The following ANKRD28 variants were observed in gnomAD, a reference collection of about 807,000 sequenced individuals.
The protein encoded by ANKRD28 is ankyrin repeat domain 28.
Under a neutral mutation model 126.5 loss-of-function variants are expected in ANKRD28, and 44 were observed. That is an observed-to-expected ratio of 0.35 (90% CI 0.27 to 0.45). ANKRD28 has a LOEUF of 0.45. ANKRD28 is among the 20% of genes least tolerant of loss of function. ANKRD28 has a pLI of 1.00. For missense variants in ANKRD28, 1,110 were observed against 1,316.6 expected, an observed-to-expected ratio of 0.84 and a Z score of 2.43; for synonymous variants, 442 against 468.5, an observed-to-expected ratio of 0.94 and a Z score of 0.73.
chr3:15,728,635 T>C (rs2074362264), intron 6 of ANKRD28, among the ~76,000 whole-genome samples: 1 of 152,180 alleles, frequency 6.6e-6, no homozygotes, highest in South Asian at 2.1e-4. Flanking sequence ...CAAAAAATCT[T>C]TGTGATTTGC....
chr3:15,848,459 G>A (rs896343700), intron 1 of ANKRD28, among the ~76,000 whole-genome samples: 2 of 152,100 alleles, frequency 1.3e-5, no homozygotes, highest in African/African-American at 4.8e-5. Flanking sequence ...AGGATCACTT[G>A]AGCCCAAAAG....
Position 15,669,253 on chromosome 3 carries a change from G to C in ANKRD28, c.*1017C>G, listed in dbSNP as rs1393430347. 1 of 152,080 alleles carries C rather than the reference G, an allele frequency of 6.6e-6. No individual in the cohort carries two copies. Among genetic ancestry groups the C allele is most frequent in the Non-Finnish European group, 1.5e-5 (1 of 68,000 alleles). The allele number at this position is 152,080 out of a possible 1,614,324, so 9.4% of individuals were successfully genotyped here. ...TCACTTTTTCAAAACTCATAGATCA[G>C]AATAAACAAAAAATCCCCCAACCCA... On this transcript the variant is annotated 3_prime_UTR_variant, in exon 28 of 28. Coordinates refer to ENST00000683139, the MANE Select transcript of ANKRD28 (RefSeq NM_001349278.2).
At chr3:15,857,773 C>T (rs544118895) in intron 1 of ANKRD28, among the ~76,000 whole-genome samples, 1 of 152,340 alleles carries the variant, frequency 6.6e-6, no homozygotes, top group African/African-American at 2.4e-5. Context: ...ATATGAGTCT[C>T]TCCTAAAAGT....
At chr3:15,728,151 G>C (rs2074319726) in intron 6 of ANKRD28, among the ~76,000 whole-genome samples, 1 of 149,994 alleles carries the variant, frequency 6.7e-6, no homozygotes, top group African/African-American at 2.5e-5. Context: ...ACGATAGTTA[G>C]CATTTTTTTT....
chr3:15,859,252 G>A (rs2061850958), intron 1 of ANKRD28: 2 of 1,389,684 alleles, frequency 1.4e-6, no homozygotes, highest in Non-Finnish European at 1.9e-6. Context: ...GGTCCCCGGG[G>A]CAGGACCCCC....
At position 15,669,699 on chromosome 3, in the gene ANKRD28, A is replaced by C. The variant is rs2125565554; in HGVS notation, c.*571T>G. On this transcript the variant is annotated 3_prime_UTR_variant, in exon 28 of 28. Coordinates refer to ENST00000683139, the MANE Select transcript of ANKRD28 (RefSeq NM_001349278.2). ...TTAAAAAAAAAACAAAACCCAAAAA[A>C]ACTCAACATTTAAAACCAAATCTCA... The C allele has an allele frequency of 6.5e-6, 1 of 152,740 alleles. No homozygotes were observed. Among genetic ancestry groups the C allele is most frequent in the East Asian group, 1.9e-4 (1 of 5,196 alleles). 9.5% of individuals were successfully genotyped at this position (152,740 alleles called of 1,614,324 possible).
chr3:15,743,729 T>C (rs764230512), intron 4 of ANKRD28, among the ~76,000 whole-genome samples: 4 of 152,172 alleles, frequency 2.6e-5, no homozygotes, highest in Non-Finnish European at 5.9e-5. Context: ...TAGAGACAGA[T>C]TGAGATAGCC....
chr3:15,765,584 G>T (rs2058698281), intron 3 of ANKRD28, among the ~76,000 whole-genome samples: 1 of 152,232 alleles, frequency 6.6e-6, no homozygotes, highest in African/African-American at 2.4e-5. Context: ...GCTCACTCCT[G>T]TAATCCCAGC....
intron 12 of ANKRD28, among the ~76,000 whole-genome samples, chr3:15,710,473 T>C (rs906566458): frequency 5.3e-5 from 8 of 152,192 alleles, no homozygotes; most frequent in African/African-American, 9.7e-5. Flanking sequence ...ACCAGTCACA[T>C]GCTCACAATC....
At chr3:15,727,028 T>G (rs2074225627) in intron 6 of ANKRD28, among the ~76,000 whole-genome samples, 1 of 152,098 alleles carries the variant, frequency 6.6e-6, no homozygotes, top group South Asian at 2.1e-4. Context: ...AAAAGAAGAT[T>G]CCTTTCAAAA....
chr3:15,800,675 T>G (rs2060445063), upstream of ANKRD28, among the ~76,000 whole-genome samples: 1 of 152,030 alleles, frequency 6.6e-6, no homozygotes, highest in African/African-American at 2.4e-5. Flanking sequence ...TACTAAGTGT[T>G]AATTGGGGAG....
In ANKRD28 at chr3:15,853,726, C is replaced by A. The variant is rs1396716759; in HGVS notation, c.27+5651G>T. 6.6e-6 allele frequency among the ~76,000 whole-genome samples: 1 copy of A among 152,130 alleles called. No individual in the cohort carries two copies. Among genetic ancestry groups the A allele is most frequent in the East Asian group, 1.9e-4 (1 of 5,186 alleles). ...CCTCATGATCCGCCCGCCTCGGTCT[C>A]CCAAAGTGCTGGGATTACAGGCATG... On this transcript the variant is annotated intron_variant, in intron 1 of 27. Transcript: ENST00000399451. This position sits in a 1 kb window ranked among gnomAD's most constrained non-coding sequence, Gnocchi z 4.2.
intron 14 of ANKRD28, among the ~76,000 whole-genome samples, chr3:15,702,820 C>G (rs564969144): frequency 5.8e-4 from 88 of 151,996 alleles, no homozygotes; most frequent in Non-Finnish European, 1.0e-3. Context: ...CTTACCACCC[C>G]CCACCACCCC....
intron 6 of ANKRD28, among the ~76,000 whole-genome samples, chr3:15,726,269 C>T (rs1229495342): frequency 6.6e-6 from 1 of 152,128 alleles, no homozygotes; most frequent in Non-Finnish European, 1.5e-5. Flanking sequence ...CATGTTGAAA[C>T]GTGAGACAGG....
chr3:15,831,243 G>C (rs927233746), intron 1 of ANKRD28, among the ~76,000 whole-genome samples: 11 of 152,152 alleles, frequency 7.2e-5, no homozygotes, highest in Non-Finnish European at 1.3e-4. Context: ...TCAAACTCCT[G>C]AGTATATATA....
At chr3:15,824,769 T>A (rs1022761257) in intron 1 of ANKRD28, among the ~76,000 whole-genome samples, 4 of 152,252 alleles carry the variant, frequency 2.6e-5, no homozygotes, top group African/African-American at 9.6e-5. Flanking sequence ...ATCACTTATG[T>A]CAAAACGACT....
chr3:15,763,296 C>T (rs1055389978), intron 3 of ANKRD28, among the ~76,000 whole-genome samples: 1 of 152,208 alleles, frequency 6.6e-6, no homozygotes, highest in Non-Finnish European at 1.5e-5. Flanking sequence ...TACCCATCCC[C>T]ACCTCTCCCA....
At chr3:15,813,128 C>G (rs186979718) in intron 1 of ANKRD28, among the ~76,000 whole-genome samples, 63 of 149,658 alleles carry the variant, frequency 4.2e-4, no homozygotes, top group African/African-American at 1.5e-3. Context: ...CTTTGGGAGG[C>G]TGAGGTGAGC....
chr3:15,716,234 G>T (rs1040400876), intron 8 of ANKRD28, among the ~76,000 whole-genome samples: 6 of 150,592 alleles, frequency 4.0e-5, no homozygotes, highest in African/African-American at 1.5e-4. Context: ...CACCCGCCTC[G>T]GCCTCCCAAA....
Sources: allele counts gnomAD v4.1 joint callset (sites outside exome capture counted in the v4.1 genomes callset), GRCh38; gene constraint gnomAD v4.1.1; non-coding constraint Gnocchi (gnomAD v3.1); transcripts MANE v1.5; gene names NCBI Gene and HGNC (gene_info 2026-07-23, HGNC 2026-07-21).